Variants in CDC37L1 observed in about 807,000 individuals in gnomAD.
CDC37L1 encodes cell division cycle 37 like 1, HSP90 cochaperone.
CDC37L1 carries 32 observed loss-of-function variants against 45.9 expected under a neutral mutation model. That is an observed-to-expected ratio of 0.70 (90% CI 0.53 to 0.94). CDC37L1 has a LOEUF of 0.94. Ranked by LOEUF, CDC37L1 falls within the 40% of genes least tolerant of loss-of-function variation. The probability of loss-of-function intolerance (pLI) is 0.00; values close to 1 mark genes in which losing one functional copy is unlikely to be tolerated. For synonymous variants in CDC37L1, 150 were observed against 133.0 expected (o/e 1.13, Z -0.88); for missense variants, 434 against 405.7 (o/e 1.07, Z -0.60).
At chr9:4,684,610 C>T (rs1841229561) in intron 1 of CDC37L1, among the ~76,000 whole-genome samples, 1 of 152,168 alleles carries the variant, frequency 6.6e-6, no homozygotes, top group South Asian at 2.1e-4. Flanking sequence ...GTTTGTTAAG[C>T]ACTAGCTTTA....
chr9:4,688,461 A>T, intron 2 of CDC37L1, 52 bp from the exon 3 acceptor site: 3 of 972,940 alleles, frequency 3.1e-6, no homozygotes. Context: ...CTGAGAAAGA[A>T]GATTCAATTA....
chr9:4,702,095 C>T, intron 6 of CDC37L1, 67 bp downstream of exon 6: 1 of 791,354 alleles, frequency 1.3e-6, no homozygotes, highest in Non-Finnish European at 1.8e-6. Flanking sequence ...TTATTTTGCC[C>T]CACTCTTTTT....
Position 4,699,476 on chromosome 9 carries a change from A to G in CDC37L1, c.747+1597A>G, listed in dbSNP as rs190633080. On this transcript the variant is annotated intron_variant, in intron 5 of 6. Coordinates refer to ENST00000381854, the MANE Select transcript of CDC37L1 (RefSeq NM_017913.4). ...CTAGCCAACATCAGCATGGATGGAA[A>G]AACAAGAGAGTGAATCAAACAAACC... Among the ~76,000 whole-genome samples the G allele has an allele frequency of 2.9e-4, 44 of 152,324 alleles. No individual in the cohort carries two copies. The East Asian group carries it at 6.5e-3, about 23-fold the overall frequency.
At position 4,701,837 on chromosome 9, in the gene CDC37L1, CTTTGTTTTTTTT is replaced by C; in HGVS notation, c.748-16_748-5del. The C allele has an allele frequency of 6.8e-7, 1 of 1,477,788 alleles. No individual in the cohort carries two copies. Among genetic ancestry groups the C allele is most frequent in the Non-Finnish European group, 9.0e-7 (1 of 1,114,114 alleles). The allele number at this position is 1,477,788 out of a possible 1,614,324, so 91.5% of individuals were successfully genotyped here. A position where few individuals can be genotyped will look rare whatever the true frequency, so the allele number is the denominator to read the frequency against. ...GTCTAGAAATCTTGAAGAACACAGTCTTTGTTTTTTTTTTTGTTTTTTCTAGGCAGAGGAAGA... is the reference window on the plus strand; with the variant it reads ...GTCTAGAAATCTTGAAGAACACAGTCTTTGTTTTTTCTAGGCAGAGGAAGA... On this transcript the variant is annotated splice_polypyrimidine_tract_variant and intron_variant, in intron 5 of 6. Coordinates refer to ENST00000381854, the MANE Select transcript of CDC37L1 (RefSeq NM_017913.4).
rs984822692 is a variant in CDC37L1, at chr9:4,707,704, AACCCATG to A, written c.*1596_*1602del. Reference sequence around the variant, plus strand: ...TCAGCCTGTACTTTTTTTTTTTTTAAACCCATGACCTAGTCGTAGACATTTTTTTCTT... The same window carrying A: ...TCAGCCTGTACTTTTTTTTTTTTTAAACCTAGTCGTAGACATTTTTTTCTT... On this transcript the variant is annotated 3_prime_UTR_variant, in exon 7 of 7. Coordinates refer to ENST00000381854, the MANE Select transcript of CDC37L1 (RefSeq NM_017913.4). 9 of 151,454 alleles carry A rather than the reference AACCCATG, an allele frequency of 5.9e-5. No individual in the cohort carries two copies. The highest frequency in any genetic ancestry group is 2.6e-4 in the Admixed American group (4 of 15,242). The allele number at this position is 151,454 out of a possible 1,614,324, so 9.4% of individuals were successfully genotyped here.
At chr9:4,680,536 C>T (rs1723357227) in intron 1 of CDC37L1, among the ~76,000 whole-genome samples, 1 of 152,162 alleles carries the variant, frequency 6.6e-6, no homozygotes, top group Admixed American at 6.5e-5. Context: ...TGTTTTCCTT[C>T]AGACTTCTCT....
At chr9:4,702,097 ACT>A (rs779372424) in intron 6 of CDC37L1, 69 bp downstream of exon 6, 2 of 729,124 alleles carry the variant, frequency 2.7e-6, no homozygotes, top group Non-Finnish European at 3.9e-6. Context: ...ATTTTGCCCC[ACT>A]CTTTTTTTTT....
At chr9:4,702,348 A>G (rs2130854516) in intron 6 of CDC37L1, among the ~76,000 whole-genome samples, 1 of 152,314 alleles carries the variant, frequency 6.6e-6, no homozygotes, top group African/African-American at 2.4e-5. Context: ...TCCTTAAAAC[A>G]TCTCATCCTG....
chr9:4,680,821 G>A (rs1841185584), intron 1 of CDC37L1, among the ~76,000 whole-genome samples: 1 of 152,184 alleles, frequency 6.6e-6, no homozygotes, highest in Non-Finnish European at 1.5e-5. Flanking sequence ...AGATTTAATA[G>A]TAGTTTTCCT....
At chr9:4,680,929 G>C (rs915828919) in intron 1 of CDC37L1, among the ~76,000 whole-genome samples, 1 of 152,168 alleles carries the variant, frequency 6.6e-6, no homozygotes, top group African/African-American at 2.4e-5. Context: ...GGGTTAGTTG[G>C]CTTCACACAG....
chr9:4,684,078 G>A (rs929458263), intron 1 of CDC37L1, among the ~76,000 whole-genome samples: 1 of 148,298 alleles, frequency 6.7e-6, no homozygotes, highest in African/African-American at 2.5e-5. Flanking sequence ...GAGGTCAAGA[G>A]ATCAAGACCA....
intron 6 of CDC37L1, among the ~76,000 whole-genome samples, chr9:4,703,377 C>A (rs958407875): frequency 1.3e-5 from 2 of 148,954 alleles, no homozygotes; most frequent in Non-Finnish European, 3.0e-5. Context: ...AAAAAAGTCT[C>A]AAGGATGGAA....
At chr9:4,704,614 G>C (rs1477795696) in intron 6 of CDC37L1, among the ~76,000 whole-genome samples, 3 of 152,154 alleles carry the variant, frequency 2.0e-5, no homozygotes, top group Admixed American at 1.3e-4. Flanking sequence ...CAGAGAATTA[G>C]GCTTGGATTG....
At chr9:4,694,924 G>C (rs376059223) in intron 3 of CDC37L1, among the ~76,000 whole-genome samples, 4 of 152,076 alleles carry the variant, frequency 2.6e-5, no homozygotes, top group African/African-American at 9.7e-5. Flanking sequence ...ATGGCCCCAA[G>C]TGTCAGGAAC....
chr9:4,690,269 G>T (rs570467491), intron 3 of CDC37L1, among the ~76,000 whole-genome samples: 43 of 152,304 alleles, frequency 2.8e-4, no homozygotes, highest in Admixed American at 2.5e-3. Context: ...CTGATTAGAA[G>T]CATGGCAAGG....
intron 3 of CDC37L1, among the ~76,000 whole-genome samples, chr9:4,696,635 G>C (rs1841350491): frequency 6.6e-6 from 1 of 152,156 alleles, no homozygotes; most frequent in Non-Finnish European, 1.5e-5. Flanking sequence ...TAAAGGTGTA[G>C]ATATAACTTA....
In CDC37L1 at chr9:4,706,188, T is replaced by G; in HGVS notation, c.*76T>G. On this transcript the variant is annotated 3_prime_UTR_variant, in exon 7 of 7. Coordinates refer to ENST00000381854, the MANE Select transcript of CDC37L1 (RefSeq NM_017913.4). ...AACTTGGCTATTTTCTTGACACTTT[T>G]ATGGGTGCTGCACTTTATTTTTGTT... The G allele has an allele frequency of 1.3e-6, 1 of 747,864 alleles. No individual in the cohort carries two copies. The allele number at this position is 747,864 out of a possible 1,614,324, so 46.3% of individuals were successfully genotyped here.
chr9:4,708,340 C>G lies in CDC37L1; in HGVS notation c.*2228C>G, dbSNP rs1841467102. On this transcript the variant is annotated 3_prime_UTR_variant, in exon 7 of 7. Transcript: ENST00000381854. ...ACATTTTTTTACATCAAAGTATCAT[C>G]AAAGATTCTTGTTTCATTTGATAAA... The G allele has an allele frequency of 6.6e-6, 1 of 152,126 alleles. No homozygotes were observed. The highest frequency in any genetic ancestry group is 2.1e-4 in the South Asian group (1 of 4,828). The allele number at this position is 152,126 out of a possible 1,614,324, so 9.4% of individuals were successfully genotyped here.
intron 3 of CDC37L1, among the ~76,000 whole-genome samples, chr9:4,694,232 G>C (rs924650365): frequency 6.6e-6 from 1 of 152,158 alleles, no homozygotes; most frequent in South Asian, 2.1e-4. Context: ...AGTGTACTCC[G>C]CCATGCCTGG....
Sources: allele counts gnomAD v4.1 joint callset (sites outside exome capture counted in the v4.1 genomes callset), GRCh38; gene constraint gnomAD v4.1.1; transcripts MANE v1.5; gene names NCBI Gene and HGNC (gene_info 2026-07-23, HGNC 2026-07-21).